The following ACSM3 variants were observed in gnomAD, a reference collection of about 807,000 sequenced individuals.
The protein encoded by ACSM3 is acyl-CoA synthetase medium chain family member 3, also known as acyl-coenzyme A synthetase ACSM3, mitochondrial.
In ACSM3, 61 loss-of-function variants were observed where a neutral mutation model predicts 74.1. That is an observed-to-expected ratio of 0.82 (90% CI 0.67 to 1.02). The LOEUF (loss-of-function observed/expected upper bound fraction) is 1.02. Ranked by LOEUF, ACSM3 falls within the 50% of genes least tolerant of loss-of-function variation. The probability of loss-of-function intolerance (pLI) is 0.00; values close to 1 mark genes in which losing one functional copy is unlikely to be tolerated. For missense variants in ACSM3, 660 were observed against 697.0 expected (o/e 0.95, Z 0.60); for synonymous variants, 213 against 241.5 (o/e 0.88, Z 1.09).
At chr16:20,683,843 T>C (rs939567683) in intron 1 of ACSM3, among the ~76,000 whole-genome samples, 52 of 152,032 alleles carry the variant, frequency 3.4e-4, no homozygotes, top group African/African-American at 1.2e-3. Flanking sequence ...GCTGGTATTA[T>C]AGGCCTAAGC....
At chr16:20,705,978 T>A (rs1284090573) in intron 1 of ACSM3, among the ~76,000 whole-genome samples, 2 of 152,144 alleles carry the variant, frequency 1.3e-5, no homozygotes, top group East Asian at 3.8e-4. Flanking sequence ...ATTGGAGATC[T>A]AAGAAATTTA....
chr16:20,741,479 C>CGGGGGGGGGCG, intron 1 of ACSM3: 2 of 1,329,524 alleles, frequency 1.5e-6, no homozygotes, highest in Non-Finnish European at 2.0e-6. Flanking sequence ...GCCTGGCAGC[C>CGGGGGGGGGCG]GGCCCGCCCG....
At chr16:20,676,005 T>G (rs1221294803) in intron 1 of ACSM3, 2 of 152,244 alleles carry the variant, frequency 1.3e-5, no homozygotes, top group Non-Finnish European at 2.9e-5. Flanking sequence ...AAACCAGTTT[T>G]GCAAGAACCA....
chr16:20,761,855 C>T (rs1018282567), upstream of ACSM3, among the ~76,000 whole-genome samples: 1 of 152,156 alleles, frequency 6.6e-6, no homozygotes, highest in Non-Finnish European at 1.5e-5. Flanking sequence ...TCTAGGAACA[C>T]TTGACTGGTA....
intron 4 of ACSM3, among the ~76,000 whole-genome samples, chr16:20,779,189 G>T (rs2152464790): frequency 6.6e-6 from 1 of 152,226 alleles, no homozygotes; most frequent in South Asian, 2.1e-4. Flanking sequence ...TTAGGAGGCT[G>T]AGGTGGGATG....
intron 1 of ACSM3, among the ~76,000 whole-genome samples, chr16:20,722,956 A>G (rs1170262626): frequency 1.3e-5 from 2 of 152,144 alleles, no homozygotes; most frequent in South Asian, 2.1e-4. Context: ...TTTGTTACAT[A>G]TGTATACATG....
intron 10 of ACSM3, 37 bp from the exon 11 acceptor site, chr16:20,791,965 G>T: frequency 6.2e-7 from 1 of 1,604,428 alleles, no homozygotes; most frequent in Non-Finnish European, 8.5e-7. Context: ...AGAAGAGTTG[G>T]ATTCACCATA....
At chr16:20,766,313 G>A (rs2080124583) in intron 1 of ACSM3, among the ~76,000 whole-genome samples, 1 of 151,814 alleles carries the variant, frequency 6.6e-6, no homozygotes, top group Non-Finnish European at 1.5e-5. Flanking sequence ...TTTAAGAAAT[G>A]ACAGTGCAGT....
intron 1 of ACSM3, among the ~76,000 whole-genome samples, chr16:20,677,838 A>G (rs2079337624): frequency 6.6e-6 from 1 of 152,056 alleles, no homozygotes; most frequent in Non-Finnish European, 1.5e-5. Context: ...TGCTTCTGAC[A>G]CTTTCCATGT....
At chr16:20,740,334 G>A (rs1366575211) in intron 1 of ACSM3, among the ~76,000 whole-genome samples, 2 of 152,218 alleles carry the variant, frequency 1.3e-5, no homozygotes, top group Non-Finnish European at 2.9e-5. Flanking sequence ...GGTGGAAGTT[G>A]CAGTGAGCAA....
chr16:20,685,123 C>T, intron 1 of ACSM3: 1 of 1,540,322 alleles, frequency 6.5e-7, no homozygotes, highest in Non-Finnish European at 9.0e-7. Flanking sequence ...GTGCACAGCA[C>T]CTAATATCTC....
chr16:20,788,632 C>T (rs1020172485), intron 9 of ACSM3, among the ~76,000 whole-genome samples: 3 of 152,120 alleles, frequency 2.0e-5, no homozygotes, highest in Non-Finnish European at 4.4e-5. Context: ...ACTTCAAAGC[C>T]CAACCTTTAT....
chr16:20,682,185 GTC>G (rs2079459752), intron 1 of ACSM3: 1 of 1,473,490 alleles, frequency 6.8e-7, no homozygotes, highest in Admixed American at 1.7e-5. Flanking sequence ...AACCCCACTG[GTC>G]TCTCTGATTC....
At chr16:20,782,934 A>G (rs947705081) in intron 7 of ACSM3, among the ~76,000 whole-genome samples, 1 of 152,232 alleles carries the variant, frequency 6.6e-6, no homozygotes, top group Non-Finnish European at 1.5e-5. Context: ...GTGGGGGTGC[A>G]CTACCTTTCC....
upstream of ACSM3, among the ~76,000 whole-genome samples, chr16:20,761,998 A>G (rs909086956): frequency 6.6e-6 from 1 of 152,182 alleles, no homozygotes; most frequent in Non-Finnish European, 1.5e-5. Context: ...GGAGATACAA[A>G]ACCTCGGAAG....
At chr16:20,697,995 C>A (rs985450099) in intron 1 of ACSM3, among the ~76,000 whole-genome samples, 2 of 151,876 alleles carry the variant, frequency 1.3e-5, no homozygotes, top group Non-Finnish European at 2.9e-5. Context: ...GAGATGGAGA[C>A]CATCCTGGCT....
chr16:20,691,302 A>C, intron 1 of ACSM3: 7 of 896,036 alleles, frequency 7.8e-6, no homozygotes, highest in Non-Finnish European at 1.2e-5. Flanking sequence ...AATTGGGTGC[A>C]TGTTTTTGGT....
upstream of ACSM3, chr16:20,674,512 G>C (rs1046490428): frequency 6.6e-6 from 1 of 152,288 alleles, no homozygotes; most frequent in African/African-American, 2.5e-5. Context: ...TCAGTCCTTT[G>C]GATATTAATC....
intron 1 of ACSM3, among the ~76,000 whole-genome samples, chr16:20,695,063 A>C (rs991705070): frequency 7.2e-5 from 11 of 152,234 alleles, no homozygotes; most frequent in Admixed American, 3.9e-4. Flanking sequence ...CCTCTTGATC[A>C]AATAAAGAAG....
Sources: gnomAD v4.1 joint callset for allele counts (sites outside exome capture counted in the v4.1 genomes callset) on GRCh38, gnomAD v4.1.1 for gene constraint, MANE v1.5 for transcripts, NCBI Gene and HGNC (gene_info 2026-07-23, HGNC 2026-07-21) for gene names.